The following TPH2 variants were observed in gnomAD, a reference collection of about 807,000 sequenced individuals.
TPH2 encodes tryptophan hydroxylase 2.
Under a neutral mutation model 59.1 loss-of-function variants are expected in TPH2, and 27 were observed. That is an observed-to-expected ratio of 0.46 (90% confidence interval 0.34 to 0.63). The LOEUF is 0.63. Among genes scored for constraint, TPH2 ranks in the 30% least tolerant of loss-of-function variants. TPH2 has a pLI of 0.01. For synonymous variants in TPH2, 220 were observed against 210.5 expected, an observed-to-expected ratio of 1.05 and a Z score of -0.39; for missense variants, 523 against 588.3, an observed-to-expected ratio of 0.89 and a Z score of 1.15.
chr12:72,013,632 T>C (rs993339605), intron 8 of TPH2, among the ~76,000 whole-genome samples: 1 of 152,242 alleles, frequency 6.6e-6, no homozygotes, highest in Non-Finnish European at 1.5e-5. Flanking sequence ...TTGAATGAGA[T>C]GTTTGTGGTA....
chr12:71,948,013 A>G (rs929467821), intron 4 of TPH2, among the ~76,000 whole-genome samples: 1 of 151,956 alleles, frequency 6.6e-6, no homozygotes, highest in Non-Finnish European at 1.5e-5. Flanking sequence ...AGGTGCTTGG[A>G]ATTCTTTGGT....
In TPH2 at chr12:72,031,318, G is replaced by A; in HGVS notation, c.1225G>A (p.Glu409Lys). ...AFDPKTTCLQ[E>K]CLITTFQEAY... ...TGACCCAAAGACAACTTGCTTACAG[G>A]AATGCCTTATCACCACCTTCCAGGA... is the stretch of plus-strand genomic sequence containing the variant. The change falls in exon 10 of 11, where the codon GAA becomes AAA. Residue 409 changes from glutamate (E) to lysine (K), a missense_variant. Glu to Lys is a moderately conservative substitution (Grantham distance 56). Coordinates refer to ENST00000333850, the MANE Select transcript of TPH2 (RefSeq NM_173353.4). 6.2e-7 allele frequency: 1 copy of A among 1,613,666 alleles called. No individual in the cohort carries two copies. Among genetic ancestry groups the A allele is most frequent in the Non-Finnish European group, 8.5e-7 (1 of 1,179,652 alleles).
At chr12:71,943,611 A>G (rs1871129586) in intron 2 of TPH2, among the ~76,000 whole-genome samples, 2 of 152,114 alleles carry the variant, frequency 1.3e-5, no homozygotes, top group African/African-American at 2.4e-5. Context: ...GGTTATTATC[A>G]TTATTTTTTT....
intron 6 of TPH2, among the ~76,000 whole-genome samples, chr12:71,976,279 TCC>T (rs1872114656): frequency 6.6e-6 from 1 of 152,246 alleles, no homozygotes; most frequent in Admixed American, 6.5e-5. Context: ...CTTAGCTATT[TCC>T]TTTGTTATTG....
At chr12:71,944,838 T>G in intron 4 of TPH2, 152 bp downstream of exon 4, 1 of 787,470 alleles carries the variant, frequency 1.3e-6, no homozygotes, top group Non-Finnish European at 2.2e-6. Flanking sequence ...ATGATAAAGC[T>G]TCCCTGTACA....
At chr12:71,992,569 A>C (rs1872604968) in intron 7 of TPH2, among the ~76,000 whole-genome samples, 1 of 152,092 alleles carries the variant, frequency 6.6e-6, no homozygotes, top group African/African-American at 2.4e-5. Context: ...GCACTACTGC[A>C]CTGTAGCCCG....
At chr12:71,996,930 A>G (rs1295266141) in intron 8 of TPH2, among the ~76,000 whole-genome samples, 1 of 152,196 alleles carries the variant, frequency 6.6e-6, no homozygotes, top group Non-Finnish European at 1.5e-5. Context: ...TATAGCTTAT[A>G]TCGACAAAAC....
chr12:71,944,755 A>G (rs1649545633), intron 4 of TPH2, 69 bp downstream of exon 4: 1 of 1,368,352 alleles, frequency 7.3e-7, no homozygotes, highest in Non-Finnish European at 1.0e-6. Flanking sequence ...GCACTGTGCC[A>G]TGTTCTGTGC....
At position 71,938,886 on chromosome 12, in the gene TPH2, C is replaced by T. The variant is rs1001514734; in HGVS notation, c.-101C>T. Reference sequence around the variant, plus strand: ...CCAGGGTTCTGGACAGCGCCCCAAGCAGGCAGCTGATCGCACGCCCCTTCC... The same window carrying T: ...CCAGGGTTCTGGACAGCGCCCCAAGTAGGCAGCTGATCGCACGCCCCTTCC... On this transcript the variant is annotated 5_prime_UTR_variant, in exon 1 of 11. Coordinates refer to ENST00000333850, the MANE Select transcript of TPH2 (RefSeq NM_173353.4). 2.2e-5 allele frequency: 22 copies of T among 985,078 alleles called. No homozygotes were observed. The highest frequency in any genetic ancestry group is 5.1e-5 in the Admixed American group (3 of 58,526). The allele number at this position is 985,078 out of a possible 1,614,324, so 61.0% of individuals were successfully genotyped here.
intron 9 of TPH2, among the ~76,000 whole-genome samples, chr12:72,027,591 C>A (rs528991636): frequency 6.6e-6 from 1 of 152,256 alleles, no homozygotes; most frequent in East Asian, 1.9e-4. Flanking sequence ...TGTTCTTAAC[C>A]ATAAAGACCT....
At chr12:71,960,763 A>G (rs1328133092) in intron 5 of TPH2, among the ~76,000 whole-genome samples, 1 of 152,204 alleles carries the variant, frequency 6.6e-6, no homozygotes, top group Non-Finnish European at 1.5e-5. Context: ...TTTCACAGGG[A>G]AAGAGGTATG....
At chr12:71,949,170 GTTAT>G (rs1336977066) in intron 4 of TPH2, among the ~76,000 whole-genome samples, 1 of 152,118 alleles carries the variant, frequency 6.6e-6, no homozygotes, top group Non-Finnish European at 1.5e-5. Flanking sequence ...ACATTTATTA[GTTAT>G]TTATACAAAG....
At chr12:71,959,706 T>C (rs1484068574) in intron 5 of TPH2, among the ~76,000 whole-genome samples, 3 of 152,132 alleles carry the variant, frequency 2.0e-5, no homozygotes, top group Non-Finnish European at 4.4e-5. Context: ...TATTTTTAGA[T>C]AGGCGAATCT....
intron 7 of TPH2, among the ~76,000 whole-genome samples, chr12:71,987,671 A>G (rs1051691196): frequency 6.6e-6 from 1 of 152,092 alleles, no homozygotes; most frequent in Non-Finnish European, 1.5e-5. Context: ...CCAACATGAT[A>G]AAAACCCGTC....
At chr12:71,950,406 AG>A (rs1445172810) in intron 5 of TPH2, among the ~76,000 whole-genome samples, 1 of 151,922 alleles carries the variant, frequency 6.6e-6, no homozygotes, top group African/African-American at 2.4e-5. Flanking sequence ...TTACAGTCAA[AG>A]GGGGGTTGTT....
intron 5 of TPH2, chr12:71,961,781 C>A: frequency 7.7e-7 from 1 of 1,297,066 alleles, no homozygotes; most frequent in East Asian, 4.7e-5. Context: ...AGTGGGAAGC[C>A]CTATCCTGTG....
chr12:72,007,059 A>G (rs909401063), intron 8 of TPH2, among the ~76,000 whole-genome samples: 78 of 152,310 alleles, frequency 5.1e-4, no homozygotes, highest in African/African-American at 1.8e-3. Flanking sequence ...CTAACTTTCA[A>G]CAACTCACGT....
At chr12:71,947,817 C>T (rs1871236259) in intron 4 of TPH2, among the ~76,000 whole-genome samples, 1 of 152,112 alleles carries the variant, frequency 6.6e-6, no homozygotes, top group African/African-American at 2.4e-5. Context: ...GTAAATCGCT[C>T]TCTTGCGTCC....
intron 5 of TPH2, among the ~76,000 whole-genome samples, chr12:71,965,885 C>T (rs140793569): frequency 1.3e-5 from 2 of 152,172 alleles, no homozygotes; most frequent in Non-Finnish European, 2.9e-5. Context: ...AAATCTTTGC[C>T]TGTTCCCATA....
Sources: allele counts gnomAD v4.1 joint callset (sites outside exome capture counted in the v4.1 genomes callset), GRCh38; gene constraint gnomAD v4.1.1; transcripts MANE v1.5; gene names NCBI Gene and HGNC (gene_info 2026-07-23, HGNC 2026-07-21).